The following TMEM178B variants were observed in gnomAD, a reference collection of about 807,000 sequenced individuals.
TMEM178B encodes the protein transmembrane protein 178B.
TMEM178B carries 5 observed loss-of-function variants against 31.0 expected under a neutral mutation model. The ratio of observed to expected loss-of-function variants is 0.16; its 90% confidence interval spans 0.08 to 0.34. The LOEUF is 0.34. TMEM178B is among the 10% of genes least tolerant of loss of function. TMEM178B has a pLI of 1.00. For synonymous variants in TMEM178B, 164 were observed against 164.0 expected, an observed-to-expected ratio of 1.00 and a Z score of 0.00; for missense variants, 275 against 400.3, an observed-to-expected ratio of 0.69 and a Z score of 2.67.
chr7:141,451,156 G>C (rs1413594642), intron 3 of TMEM178B, among the ~76,000 whole-genome samples: 1 of 152,172 alleles, frequency 6.6e-6, no homozygotes, highest in African/African-American at 2.4e-5. Flanking sequence ...TGTTAACAAA[G>C]GCCTCAGGGC....
At chr7:141,243,818 A>G (rs1797682786) in intron 2 of TMEM178B, among the ~76,000 whole-genome samples, 1 of 152,048 alleles carries the variant, frequency 6.6e-6, no homozygotes, top group African/African-American at 2.4e-5. Flanking sequence ...TGGCGAGTGT[A>G]TTTTCATGTT....
chr7:141,484,354 G>A (rs1802523438), downstream of TMEM178B, among the ~76,000 whole-genome samples: 2 of 152,078 alleles, frequency 1.3e-5, no homozygotes, highest in Admixed American at 6.6e-5. This position sits in a 1 kb window ranked among gnomAD's most constrained non-coding sequence, Gnocchi z 4.8. Flanking sequence ...ACTCCTCCAC[G>A]GGTGGTTCTC....
At chr7:141,376,048 T>C (rs116899565) in intron 2 of TMEM178B, among the ~76,000 whole-genome samples, 1 of 152,314 alleles carries the variant, frequency 6.6e-6, no homozygotes, top group East Asian at 1.9e-4. Flanking sequence ...AAGTTTCTAT[T>C]TTATATTTGT....
chr7:141,105,319 C>G (rs1478833731), intron 1 of TMEM178B, among the ~76,000 whole-genome samples: 3 of 151,818 alleles, frequency 2.0e-5, no homozygotes, highest in African/African-American at 7.3e-5. Context: ...ACCAGCCTGG[C>G]CAACGTGGTG....
intron 2 of TMEM178B, among the ~76,000 whole-genome samples, chr7:141,381,663 A>T (rs1232385744): frequency 6.6e-6 from 1 of 152,198 alleles, no homozygotes; most frequent in Non-Finnish European, 1.5e-5. Flanking sequence ...CTATATTTTT[A>T]AAAAGCCCTA....
chr7:141,273,667 T>A (rs1209804786), intron 2 of TMEM178B, among the ~76,000 whole-genome samples: 1 of 151,332 alleles, frequency 6.6e-6, no homozygotes, highest in African/African-American at 2.4e-5. Flanking sequence ...GCGGAGAGAG[T>A]GTGCCCTTGT....
intron 2 of TMEM178B, among the ~76,000 whole-genome samples, chr7:141,314,084 C>G (rs887207933): frequency 6.6e-6 from 1 of 152,232 alleles, no homozygotes; most frequent in Admixed American, 6.5e-5. Context: ...AGTATCACCA[C>G]CACCTGACAT....
intron 2 of TMEM178B, among the ~76,000 whole-genome samples, chr7:141,316,748 C>T (rs1003000132): frequency 6.6e-6 from 1 of 152,210 alleles, no homozygotes; most frequent in Admixed American, 6.5e-5. Flanking sequence ...TAGTAGCAAA[C>T]TCTTATTCAT....
At chr7:141,323,467 T>G (rs1410964162) in intron 2 of TMEM178B, among the ~76,000 whole-genome samples, 4 of 152,260 alleles carry the variant, frequency 2.6e-5, no homozygotes, top group African/African-American at 9.6e-5. Context: ...TCCACATTAG[T>G]GAGTAAATTC....
At chr7:141,247,650 A>G (rs1433757855) in intron 2 of TMEM178B, among the ~76,000 whole-genome samples, 2 of 152,204 alleles carry the variant, frequency 1.3e-5, no homozygotes, top group African/African-American at 4.8e-5. Context: ...ATGCAGAGGA[A>G]GAAGAATGGG....
chr7:141,468,297 G>A (rs911095616), intron 3 of TMEM178B, among the ~76,000 whole-genome samples: 4 of 152,214 alleles, frequency 2.6e-5, no homozygotes, highest in Admixed American at 6.5e-5. Context: ...AACTGTGGGT[G>A]TGGGGCTCAG....
the TMEM178B span, among the ~76,000 whole-genome samples, chr7:141,494,056 TCTAA>T: frequency 6.6e-6 from 1 of 152,204 alleles, no homozygotes; most frequent in Non-Finnish European, 1.5e-5. Context: ...TTCCCAGTTT[TCTAA>T]CTAACACGAT....
chr7:141,285,080 G>C (rs217008), intron 2 of TMEM178B, among the ~76,000 whole-genome samples: 1 of 144,254 alleles, frequency 6.9e-6, no homozygotes, highest in African/African-American at 2.6e-5. Context: ...AACTACATAC[G>C]TTATTTGGAT....
chr7:141,439,443 G>A (rs1221512941), intron 3 of TMEM178B, among the ~76,000 whole-genome samples: 1 of 152,030 alleles, frequency 6.6e-6, no homozygotes, highest in Admixed American at 6.6e-5. Context: ...AACCAGGCAT[G>A]CTTCCCTGCT....
At chr7:141,172,071 A>T (rs1356510341) in intron 1 of TMEM178B, among the ~76,000 whole-genome samples, 1 of 152,198 alleles carries the variant, frequency 6.6e-6, no homozygotes, top group Non-Finnish European at 1.5e-5. Context: ...TGTGTTACAC[A>T]TTGCCCTTTT....
rs139832334 is a variant in TMEM178B, at chr7:141,249,158, T to C, written c.496+36454T>C. Among the ~76,000 whole-genome samples, 228 of 152,296 alleles carry C rather than the reference T, an allele frequency of 1.5e-3. 1 individual carries two copies. The highest frequency in any genetic ancestry group is 5.1e-3 in the African/African-American group (210 of 41,564). The stretch of plus-strand genomic sequence containing the variant: ...TGAATTGTAGCTCCCATAATTCCCA[T>C]GTGTCATGGGACAGACCCAGTGGGA... On this transcript the variant is annotated intron_variant, in intron 2 of 3. Coordinates refer to ENST00000565468, the MANE Select transcript of TMEM178B (RefSeq NM_001195278.2).
intron 2 of TMEM178B, among the ~76,000 whole-genome samples, chr7:141,388,009 C>G (rs1800466019): frequency 6.6e-6 from 1 of 152,236 alleles, no homozygotes; most frequent in Admixed American, 6.5e-5. Context: ...AGCCGCACAC[C>G]CTTTGAGCTT....
Position 141,324,416 on chromosome 7 carries a change from G to GTTTTTTT in TMEM178B, c.496+111743_496+111749dup, listed in dbSNP as rs56316531. Among the ~76,000 whole-genome samples the GTTTTTTT allele has an allele frequency of 4.3e-4, 37 of 85,774 alleles. 5 individuals are homozygous for GTTTTTTT. The highest frequency in any genetic ancestry group is 6.4e-4 in the Non-Finnish European group (27 of 41,992). 56.3% of individuals were successfully genotyped at this position (85,774 alleles called of 152,430 possible). A position where few individuals can be genotyped will look rare whatever the true frequency, so the allele number is the denominator to read the frequency against. On this transcript the variant is annotated intron_variant, in intron 2 of 3. Coordinates refer to ENST00000565468, the MANE Select transcript of TMEM178B (RefSeq NM_001195278.2). ...TGTGAGAGCAAGAGAGGAGACCAGG[G>GTTTTTTT]TTTTTTTTTTTTTTTTTTTTTTTTT...
chr7:141,510,869 C>T, the TMEM178B span, among the ~76,000 whole-genome samples: 1 of 151,972 alleles, frequency 6.6e-6, no homozygotes, highest in Non-Finnish European at 1.5e-5. Context: ...GAAACCCAGC[C>T]CAAAGAGCCA....
Sources: allele counts gnomAD v4.1 joint callset (sites outside exome capture counted in the v4.1 genomes callset), GRCh38; gene constraint gnomAD v4.1.1; non-coding constraint Gnocchi (gnomAD v3.1); transcripts MANE v1.5; gene names NCBI Gene and HGNC (gene_info 2026-07-23, HGNC 2026-07-21).